Variants in ATF3 observed in about 807,000 individuals in gnomAD.
The protein encoded by ATF3 is activating transcription factor 3.
A neutral mutation model predicts 18.4 loss-of-function variants in ATF3; 10 were observed. The ratio of observed to expected loss-of-function variants is 0.54; its 90% confidence interval spans 0.34 to 0.92. ATF3 has a LOEUF of 0.92. ATF3 is among the 40% of genes least tolerant of loss of function. The pLI, the probability that ATF3 is intolerant of heterozygous loss-of-function variation, is 0.02. For missense variants in ATF3, 183 were observed against 222.3 expected (o/e 0.82, Z 1.12); for synonymous variants, 78 against 87.9 (o/e 0.89, Z 0.63).
intron 1 of ATF3, among the ~76,000 whole-genome samples, chr1:212,580,546 T>C (rs1664665322): frequency 6.6e-6 from 1 of 152,006 alleles, no homozygotes; most frequent in South Asian, 2.1e-4. Flanking sequence ...CAAGTGATGA[T>C]CCACCTGTTT....
chr1:212,602,466 G>A (rs1272310013), intron 1 of ATF3, among the ~76,000 whole-genome samples: 1 of 152,038 alleles, frequency 6.6e-6, no homozygotes, highest in African/African-American at 2.4e-5. Flanking sequence ...ATCAAAGGAG[G>A]GCCCTGAACT....
chr1:212,608,290 C>G (rs572129086), upstream of ATF3, among the ~76,000 whole-genome samples: 1 of 152,184 alleles, frequency 6.6e-6, no homozygotes, highest in Non-Finnish European at 1.5e-5. Context: ...CCCAGCCTCA[C>G]CTAGTCTGGG....
At chr1:212,588,097 C>T (rs1017810180) in intron 1 of ATF3, among the ~76,000 whole-genome samples, 4 of 152,084 alleles carry the variant, frequency 2.6e-5, no homozygotes, top group South Asian at 2.1e-4. Context: ...TTGCTTTCCT[C>T]GGTAGCTTCT....
intron 1 of ATF3, among the ~76,000 whole-genome samples, chr1:212,571,853 A>G (rs1419523013): frequency 1.3e-5 from 2 of 151,850 alleles, no homozygotes; most frequent in Non-Finnish European, 2.9e-5. Context: ...CTGGGACTGC[A>G]GGAGCCCGCC....
intron 1 of ATF3, among the ~76,000 whole-genome samples, chr1:212,586,795 G>A (rs943712941): frequency 1.3e-5 from 2 of 152,152 alleles, no homozygotes; most frequent in African/African-American, 2.4e-5. Context: ...CAGTTATCAC[G>A]CTAAGCCTTA....
In ATF3 at chr1:212,620,012, G is replaced by T. The variant is rs1655310668; in HGVS notation, c.*457G>T. The T allele has an allele frequency of 9.5e-6, 2 of 210,956 alleles. No individual in the cohort carries two copies. The highest frequency in any genetic ancestry group is 2.3e-5 in the African/African-American group (1 of 43,620). 13.1% of individuals were successfully genotyped at this position (210,956 alleles called of 1,614,324 possible). On this transcript the variant is annotated 3_prime_UTR_variant, in exon 4 of 4. Coordinates refer to ENST00000341491, the MANE Select transcript of ATF3 (RefSeq NM_001674.4). ...TTTAGTGAAGTTGTGCAACGGCCAG[G>T]GTTGTGCTTTCTAGCAAATATGCTG...
At chr1:212,578,190 A>T (rs1664617228) in intron 1 of ATF3, among the ~76,000 whole-genome samples, 1 of 152,220 alleles carries the variant, frequency 6.6e-6, no homozygotes. Context: ...GCTGCAATTT[A>T]TCTTCACTTC....
intron 1 of ATF3, among the ~76,000 whole-genome samples, chr1:212,611,416 T>A (rs1339714802): frequency 6.6e-6 from 1 of 152,242 alleles, no homozygotes; most frequent in African/African-American, 2.4e-5. Flanking sequence ...ATCTCATATG[T>A]CCTTCTCAAC....
At chr1:212,601,480 T>A (rs749680161) in intron 1 of ATF3, among the ~76,000 whole-genome samples, 29 of 152,184 alleles carry the variant, frequency 1.9e-4, no homozygotes, top group South Asian at 6.2e-4. Flanking sequence ...TCTCTAAGAT[T>A]TTGAGGACAG....
chr1:212,584,114 C>A (rs1664735363), intron 1 of ATF3, among the ~76,000 whole-genome samples: 1 of 152,094 alleles, frequency 6.6e-6, no homozygotes, highest in African/African-American at 2.4e-5. Context: ...ATAATTATTT[C>A]TTAAAGTCCC....
chr1:212,596,964 A>G (rs1665005827), intron 1 of ATF3, among the ~76,000 whole-genome samples: 1 of 152,238 alleles, frequency 6.6e-6, no homozygotes, highest in African/African-American at 2.4e-5. Flanking sequence ...CAGCTCTTGA[A>G]CAATGCCAGG....
chr1:212,570,509 T>G (rs1664461772), intron 1 of ATF3, among the ~76,000 whole-genome samples: 1 of 152,158 alleles, frequency 6.6e-6, no homozygotes, highest in Non-Finnish European at 1.5e-5. Context: ...GAAAAAACAA[T>G]GAATTGTACA....
chr1:212,592,944 T>C (rs1664917638), intron 1 of ATF3, among the ~76,000 whole-genome samples: 1 of 152,068 alleles, frequency 6.6e-6, no homozygotes, highest in African/African-American at 2.4e-5. Context: ...ACTGGGTATA[T>C]ACCCAAAGGA....
chr1:212,610,861 G>A (rs1482755138), intron 1 of ATF3, among the ~76,000 whole-genome samples: 3 of 152,208 alleles, frequency 2.0e-5, no homozygotes, highest in Non-Finnish European at 2.9e-5. Context: ...GTCGGTGGGT[G>A]TTCAGCAGCT....
chr1:212,616,179 C>A (rs1655113405), intron 2 of ATF3, among the ~76,000 whole-genome samples: 1 of 151,932 alleles, frequency 6.6e-6, no homozygotes, highest in South Asian at 2.1e-4. Context: ...CATATTGGGT[C>A]TTACAGATTA....
chr1:212,585,745 G>A (rs12401671), intron 1 of ATF3, among the ~76,000 whole-genome samples: 12,382 of 152,156 alleles, frequency 0.081, 607 homozygotes, highest in Middle Eastern at 0.14. Flanking sequence ...TCTGGTTATC[G>A]ACCTAGGCAG....
intron 1 of ATF3, among the ~76,000 whole-genome samples, chr1:212,588,599 A>G: frequency 6.7e-6 from 1 of 148,924 alleles, no homozygotes. Context: ...TAAAAACTCT[A>G]ACAATACTAT....
intron 1 of ATF3, among the ~76,000 whole-genome samples, chr1:212,578,288 G>C (rs146317633): frequency 1.3e-5 from 2 of 152,130 alleles, no homozygotes; most frequent in African/African-American, 4.8e-5. Flanking sequence ...TTACATTAGA[G>C]TTGGTATCTA....
upstream of ATF3, among the ~76,000 whole-genome samples, chr1:212,603,856 A>ATGTCTTATTAT (rs1451032227): frequency 6.6e-6 from 1 of 151,966 alleles, no homozygotes; most frequent in Admixed American, 6.6e-5. Flanking sequence ...TATTTTTAAG[A>ATGTCTTATTAT]AGAAAGACCA....
Sources: gnomAD v4.1 joint callset for allele counts (sites outside exome capture counted in the v4.1 genomes callset) on GRCh38, gnomAD v4.1.1 for gene constraint, MANE v1.5 for transcripts, NCBI Gene and HGNC (gene_info 2026-07-23, HGNC 2026-07-21) for gene names.